The following DOCK1 variants were observed in gnomAD, a reference collection of about 807,000 sequenced individuals.
DOCK1 encodes dedicator of cytokinesis protein 1.
A neutral mutation model predicts 262.7 loss-of-function variants in DOCK1; 138 were observed. The ratio of observed to expected loss-of-function variants is 0.53; its 90% CI spans 0.46 to 0.61. The LOEUF (loss-of-function observed/expected upper bound fraction) is 0.61, where lower values mean the gene tolerates loss of function less well. Among genes scored for constraint, DOCK1 ranks in the 20% least tolerant of loss-of-function variants. DOCK1 has a pLI of 0.00. For synonymous variants in DOCK1, 866 were observed against 867.4 expected (o/e 1.00, Z 0.03); for missense variants, 1,908 against 2,370.7 (o/e 0.80, Z 4.05).
intron 23 of DOCK1, among the ~76,000 whole-genome samples, chr10:127,066,451 A>T (rs1043174900): frequency 3.3e-5 from 5 of 152,010 alleles, no homozygotes; most frequent in Non-Finnish European, 7.4e-5. Context: ...CCATCTGGTG[A>T]TGACTTGCTG....
chr10:126,915,124 C>T (rs2032308954), intron 1 of DOCK1, among the ~76,000 whole-genome samples: 1 of 152,082 alleles, frequency 6.6e-6, no homozygotes, highest in Non-Finnish European at 1.5e-5. Context: ...ATTTGGTGGT[C>T]TCCTCCACGT....
intron 25 of DOCK1, among the ~76,000 whole-genome samples, chr10:127,117,142 T>C (rs12778512): frequency 0.17 from 25,413 of 152,260 alleles, 2,600 homozygotes; most frequent in African/African-American, 0.29. Flanking sequence ...TAATTGTTTC[T>C]GTTTCAATTC....
At chr10:127,281,416 G>T (rs963712088) in intron 29 of DOCK1, among the ~76,000 whole-genome samples, 14 of 152,170 alleles carry the variant, frequency 9.2e-5, no homozygotes, top group African/African-American at 3.4e-4. Flanking sequence ...CACTGCCTTT[G>T]CCAGGAGAAT....
chr10:126,973,509 A>C (rs962532757), intron 2 of DOCK1, among the ~76,000 whole-genome samples: 1 of 152,158 alleles, frequency 6.6e-6, no homozygotes, highest in Non-Finnish European at 1.5e-5. Context: ...ACATCATGAT[A>C]AGAGATCTAC....
chr10:127,316,583 T>C (rs1177613569), intron 29 of DOCK1, among the ~76,000 whole-genome samples: 2 of 152,288 alleles, frequency 1.3e-5, no homozygotes, highest in South Asian at 4.1e-4. Flanking sequence ...GAAAGCACTG[T>C]TTGGGTTGTG....
At chr10:127,048,306 TGTC>T (rs1356011696) in intron 21 of DOCK1, among the ~76,000 whole-genome samples, 2 of 152,024 alleles carry the variant, frequency 1.3e-5, no homozygotes, top group African/African-American at 4.8e-5. Flanking sequence ...ATTTGTGAAA[TGTC>T]TGTTCAAATC....
chr10:127,313,167 A>T (rs374142662), intron 29 of DOCK1, among the ~76,000 whole-genome samples: 2 of 152,226 alleles, frequency 1.3e-5, no homozygotes, highest in East Asian at 3.9e-4. Context: ...TCCCACCTGG[A>T]TGCAAGCACC....
intron 31 of DOCK1, among the ~76,000 whole-genome samples, chr10:127,349,466 G>C (rs775497916): frequency 6.6e-6 from 1 of 152,028 alleles, no homozygotes; most frequent in Non-Finnish European, 1.5e-5. Flanking sequence ...ATCAAGTGGC[G>C]GTGGGGGTTC....
intron 18 of DOCK1, among the ~76,000 whole-genome samples, chr10:127,035,075 CT>C (rs2043502984): frequency 6.6e-6 from 1 of 152,192 alleles, no homozygotes; most frequent in Non-Finnish European, 1.5e-5. Context: ...GGAAGTCTGC[CT>C]TTCATTTCTC....
intron 23 of DOCK1, among the ~76,000 whole-genome samples, chr10:127,104,250 A>C (rs2048408650): frequency 6.6e-6 from 1 of 152,216 alleles, no homozygotes; most frequent in African/African-American, 2.4e-5. Context: ...AGTACCTTTC[A>C]AAGAGCAGAA....
chr10:127,328,336 T>A (rs2062830320), intron 29 of DOCK1, among the ~76,000 whole-genome samples: 1 of 152,230 alleles, frequency 6.6e-6, no homozygotes, highest in Non-Finnish European at 1.5e-5. Flanking sequence ...CTTAAGCATT[T>A]CTGCCTTGAA....
chr10:127,282,927 T>C (rs912099463), intron 29 of DOCK1, among the ~76,000 whole-genome samples: 4 of 152,198 alleles, frequency 2.6e-5, no homozygotes, highest in Non-Finnish European at 4.4e-5. Context: ...CTACCAACTG[T>C]GTTTCCATTC....
At chr10:127,352,379 T>C (rs1229247932) in intron 31 of DOCK1, among the ~76,000 whole-genome samples, 2 of 151,734 alleles carry the variant, frequency 1.3e-5, no homozygotes, top group Non-Finnish European at 2.9e-5. Flanking sequence ...AAATCCAGAT[T>C]GTGGTGCCAG....
chr10:127,297,550 G>A (rs1468468883), intron 29 of DOCK1, among the ~76,000 whole-genome samples: 1 of 152,098 alleles, frequency 6.6e-6, no homozygotes, highest in Non-Finnish European at 1.5e-5. Flanking sequence ...CCAAGGAAGG[G>A]TGCGTTTGCT....
At chr10:126,945,800 C>T (rs999715553) in intron 1 of DOCK1, among the ~76,000 whole-genome samples, 4 of 152,202 alleles carry the variant, frequency 2.6e-5, no homozygotes, top group Non-Finnish European at 4.4e-5. Context: ...GCAGTTTCTT[C>T]GAAGTTTCTG....
intron 31 of DOCK1, among the ~76,000 whole-genome samples, chr10:127,346,795 G>A (rs148674053): frequency 1.8e-4 from 27 of 152,224 alleles, no homozygotes; most frequent in African/African-American, 5.1e-4. Flanking sequence ...TTGTCACAAC[G>A]ATAGCAACAG....
At chr10:127,123,486 G>C (rs541559832) in intron 25 of DOCK1, among the ~76,000 whole-genome samples, 1 of 152,218 alleles carries the variant, frequency 6.6e-6, no homozygotes, top group Admixed American at 6.5e-5. Flanking sequence ...AAGCATTCCA[G>C]CCAGCTGGGC....
chr10:127,385,517 T>C (rs1297080664), intron 38 of DOCK1, among the ~76,000 whole-genome samples: 1 of 152,248 alleles, frequency 6.6e-6, no homozygotes, highest in African/African-American at 2.4e-5. Context: ...TCATCAAGAT[T>C]CCTAACTCAT....
At position 127,199,614 on chromosome 10, in the gene DOCK1, T is replaced by C. The variant is rs59672588; in HGVS notation, c.2848-48394T>C. ...CCCAGTGTTTATGACATGATTCCCT[T>C]TAGATGAAGTCCAAGAATGCGACAA... On this transcript the variant is annotated intron_variant, in intron 27 of 51. Transcript: ENST00000623213. Among the ~76,000 whole-genome samples the C allele has an allele frequency of 5.5e-3, 845 of 152,258 alleles. 5 individuals are homozygous for C. Among genetic ancestry groups the C allele is most frequent in the African/African-American group, 0.019 (792 of 41,552 alleles).
Sources: gnomAD v4.1 joint callset for allele counts (sites outside exome capture counted in the v4.1 genomes callset) on GRCh38, gnomAD v4.1.1 for gene constraint, MANE v1.5 for transcripts, NCBI Gene and HGNC (gene_info 2026-07-23, HGNC 2026-07-21) for gene names.